The following BANK1 variants were observed in gnomAD, a reference collection of about 807,000 sequenced individuals.
BANK1 encodes B-cell scaffold protein with ankyrin repeats.
In BANK1, 95 loss-of-function variants were observed where a neutral mutation model predicts 94.5. That is an observed-to-expected ratio of 1.00 (90% CI 0.85 to 1.19). BANK1 has a LOEUF of 1.19. BANK1 is among the 50% of genes most tolerant of loss of function. The probability of loss-of-function intolerance (pLI) is 0.00; values close to 1 mark genes in which losing one functional copy is unlikely to be tolerated. For synonymous variants in BANK1, 334 were observed against 308.4 expected (o/e 1.08, Z -0.87); for missense variants, 987 against 932.2 (o/e 1.06, Z -0.77).
intron 7 of BANK1, among the ~76,000 whole-genome samples, chr4:101,995,000 C>A (rs1470110079): frequency 6.6e-6 from 1 of 151,952 alleles, no homozygotes; most frequent in Non-Finnish European, 1.5e-5. Flanking sequence ...GCAGAACGTG[C>A]CAGTTTGTTG....
intron 7 of BANK1, among the ~76,000 whole-genome samples, chr4:101,927,191 C>T (rs148381005): frequency 5.2e-4 from 79 of 151,718 alleles, no homozygotes; most frequent in East Asian, 5.1e-3. Flanking sequence ...GGGAAGCAGT[C>T]GCGTCTTATA....
In BANK1 at chr4:102,030,139, T is replaced by C. The variant is rs1226512621; in HGVS notation, c.1774T>C (p.Leu592=). 2 of 1,613,908 alleles carry C rather than the reference T, an allele frequency of 1.2e-6. No individual in the cohort carries two copies. Among genetic ancestry groups the C allele is most frequent in the Non-Finnish European group, 1.7e-6 (2 of 1,179,976 alleles). ...EIDDSEYDMI[L]ANLSIKKKTG... ...TGATGACAGTGAATATGACATGATA[T>C]TGGCCAATCTGAGTATAAAGAAAAA... Residue 592 remains leucine (L), a synonymous_variant, in exon 10 of 17, where the codon TTG becomes CTG. Transcript: ENST00000322953.
intron 7 of BANK1, among the ~76,000 whole-genome samples, chr4:101,927,341 C>T (rs1238006615): frequency 1.3e-5 from 2 of 151,676 alleles, no homozygotes; most frequent in African/African-American, 4.8e-5. Context: ...CCTGGTCCCA[C>T]CCTGGACATA....
chr4:101,832,484 C>T (rs1726658838), intron 2 of BANK1, among the ~76,000 whole-genome samples: 1 of 152,130 alleles, frequency 6.6e-6, no homozygotes. Context: ...CCCTTTGAGT[C>T]TATTAATATC....
chr4:101,996,821 G>A (rs1426677556), intron 7 of BANK1, among the ~76,000 whole-genome samples: 1 of 152,194 alleles, frequency 6.6e-6, no homozygotes, highest in Non-Finnish European at 1.5e-5. Context: ...AGCTTAAGGA[G>A]ATTTTGGGCT....
chr4:102,070,308 A>C (rs1232645922), intron 13 of BANK1, among the ~76,000 whole-genome samples: 2 of 152,128 alleles, frequency 1.3e-5, no homozygotes, highest in Non-Finnish European at 2.9e-5. Flanking sequence ...AACTGCCCAC[A>C]TGCACGGTGT....
intron 1 of BANK1, among the ~76,000 whole-genome samples, chr4:101,819,865 AT>A (rs751737236): frequency 8.5e-5 from 13 of 152,194 alleles, no homozygotes; most frequent in Non-Finnish European, 1.5e-4. Flanking sequence ...CTGGTGTCCT[AT>A]TTGTGTATCA....
chr4:101,910,612 T>C (rs149839842), intron 6 of BANK1, among the ~76,000 whole-genome samples: 3,863 of 149,914 alleles, frequency 0.026, 181 homozygotes, highest in African/African-American at 0.091. Context: ...GAGAATCACT[T>C]GAACCCGGGA....
At chr4:101,823,972 T>G (rs924914998) in intron 1 of BANK1, among the ~76,000 whole-genome samples, 2 of 152,070 alleles carry the variant, frequency 1.3e-5, no homozygotes, top group African/African-American at 4.8e-5. Context: ...GAAGCTCTAG[T>G]GAGGAAATGG....
intron 1 of BANK1, among the ~76,000 whole-genome samples, chr4:101,791,369 A>G (rs551220296): frequency 6.6e-5 from 10 of 152,192 alleles, no homozygotes; most frequent in Non-Finnish European, 1.5e-4. Context: ...AGCGTCACGC[A>G]TTTACCTGCC....
At chr4:102,039,555 G>C (rs902497419) in intron 10 of BANK1, among the ~76,000 whole-genome samples, 1 of 152,014 alleles carries the variant, frequency 6.6e-6, no homozygotes, top group African/African-American at 2.4e-5. Flanking sequence ...GGGAAACAAG[G>C]CAGGGAGAAT....
chr4:101,845,849 A>G (rs1727221861), intron 2 of BANK1, among the ~76,000 whole-genome samples: 1 of 152,200 alleles, frequency 6.6e-6, no homozygotes, highest in South Asian at 2.1e-4. Flanking sequence ...GATTTGGGCC[A>G]TAGGGTTTTT....
At chr4:101,966,478 G>C (rs1724762230) in intron 7 of BANK1, among the ~76,000 whole-genome samples, 1 of 152,002 alleles carries the variant, frequency 6.6e-6, no homozygotes, top group African/African-American at 2.4e-5. Flanking sequence ...TTAATATAGA[G>C]TATGGTTAGT....
chr4:102,060,276 G>A lies in BANK1; in HGVS notation c.2035G>A (p.Glu679Lys), dbSNP rs1460874070. ...GGGCTGTCTAACTGATGGTCAGGAA[G>A]AACTCATCCTCCTGCAGGAGAAAGT... ...LRGCLTDGQE[E>K]LILLQEKVKN... The change falls in exon 12 of 17, where the codon GAA (glutamate) becomes AAA (lysine). Residue 679 changes from glutamate (E) to lysine (K), a missense_variant. Glu to Lys is a moderately conservative substitution (Grantham distance 56). Coordinates refer to ENST00000322953, the MANE Select transcript of BANK1 (RefSeq NM_017935.5). The A allele has an allele frequency of 6.2e-7, 1 of 1,610,248 alleles. No individual in the cohort carries two copies. Among genetic ancestry groups the A allele is most frequent in the South Asian group, 1.1e-5 (1 of 90,324 alleles).
At chr4:101,803,735 C>T (rs1041337387) in intron 1 of BANK1, among the ~76,000 whole-genome samples, 5 of 151,980 alleles carry the variant, frequency 3.3e-5, no homozygotes, top group Non-Finnish European at 5.9e-5. Flanking sequence ...CGGTGGCTCA[C>T]GCCTGTAATC....
chr4:101,954,766 C>T (rs1724282141), intron 7 of BANK1, among the ~76,000 whole-genome samples: 1 of 152,058 alleles, frequency 6.6e-6, no homozygotes, highest in Non-Finnish European at 1.5e-5. Flanking sequence ...ATTACTGAAA[C>T]ATAAGTATTT....
chr4:101,989,571 G>A (rs369511999), intron 7 of BANK1, among the ~76,000 whole-genome samples: 77 of 151,744 alleles, frequency 5.1e-4, no homozygotes, highest in Admixed American at 3.0e-3. Flanking sequence ...CTTTTTGGGG[G>A]CCAAGATTCA....
At chr4:101,872,467 T>C (rs1038009010) in intron 5 of BANK1, among the ~76,000 whole-genome samples, 2 of 152,084 alleles carry the variant, frequency 1.3e-5, no homozygotes, top group African/African-American at 4.8e-5. Context: ...ATGGGGTTTG[T>C]CTAAATCTTC....
chr4:102,009,834 T>C (rs1297603166), intron 7 of BANK1, among the ~76,000 whole-genome samples: 1 of 152,136 alleles, frequency 6.6e-6, no homozygotes, highest in Non-Finnish European at 1.5e-5. Flanking sequence ...GTATATCATA[T>C]AAATTATACA....
Sources: allele counts gnomAD v4.1 joint callset (sites outside exome capture counted in the v4.1 genomes callset), GRCh38; gene constraint gnomAD v4.1.1; transcripts MANE v1.5; gene names NCBI Gene and HGNC (gene_info 2026-07-23, HGNC 2026-07-21).